PCNT: variants seen among roughly 807,000 people sequenced by gnomAD.
PCNT encodes the protein pericentrin, also known as kendrin.
In PCNT, 319 loss-of-function variants were observed where a neutral mutation model predicts 380.4. The ratio of observed to expected loss-of-function variants is 0.84; its 90% confidence interval spans 0.77 to 0.92. The LOEUF (loss-of-function observed/expected upper bound fraction) is 0.92, where lower values mean the gene tolerates loss of function less well. Ranked by LOEUF, PCNT falls within the 40% of genes least tolerant of loss-of-function variation. PCNT has a pLI of 0.00. For synonymous variants in PCNT, 1,845 were observed against 1,735.2 expected (o/e 1.06, Z -1.57); for missense variants, 4,400 against 4,255.3 (o/e 1.03, Z -0.95).
At chr21:46,373,256 A>T (rs894462311) in intron 15 of PCNT, among the ~76,000 whole-genome samples, 1 of 151,906 alleles carries the variant, frequency 6.6e-6, no homozygotes, top group African/African-American at 2.4e-5. Context: ...GCCTCAAGCA[A>T]TCCTTTTGTC....
intron 13 of PCNT, among the ~76,000 whole-genome samples, chr21:46,362,030 G>C (rs1201700842): frequency 6.6e-6 from 1 of 152,220 alleles, no homozygotes; most frequent in East Asian, 1.9e-4. Flanking sequence ...GTTCTGTCCT[G>C]CTCCTCTGGA....
intron 27 of PCNT, among the ~76,000 whole-genome samples, chr21:46,405,330 ATCTG>A (rs1465161248): frequency 2.0e-5 from 3 of 152,256 alleles, no homozygotes; most frequent in Non-Finnish European, 4.4e-5. Flanking sequence ...CTGAGATGTT[ATCTG>A]TCTTAGTATC....
chr21:46,326,662 T>C, intron 2 of PCNT, 73 bp downstream of exon 2: 6 of 1,455,932 alleles, frequency 4.1e-6, no homozygotes, highest in South Asian at 2.3e-5. Context: ...TTACTAAAGA[T>C]GGTCTTTGGT....
chr21:46,356,855 A>C, intron 12 of PCNT, 119 bp from the exon 13 acceptor site: 1 of 835,856 alleles, frequency 1.2e-6, no homozygotes, highest in Non-Finnish European at 2.0e-6. Flanking sequence ...CAGAGCTTGA[A>C]AATCCACAGT....
intron 17 of PCNT, among the ~76,000 whole-genome samples, chr21:46,387,220 G>C (rs1192590794): frequency 6.6e-6 from 1 of 152,178 alleles, no homozygotes; most frequent in African/African-American, 2.4e-5. Context: ...ATCCGTGTGT[G>C]GGGGGTGTCT....
At chr21:46,442,791 T>TA in intron 44 of PCNT, 2 of 602,622 alleles carry the variant, frequency 3.3e-6, no homozygotes, top group Non-Finnish European at 5.9e-6. Flanking sequence ...CACAGGGGCG[T>TA]ACGGCGATGG....
chr21:46,354,612 GCT>G (rs2084405662), intron 11 of PCNT, among the ~76,000 whole-genome samples: 2 of 152,186 alleles, frequency 1.3e-5, no homozygotes, highest in African/African-American at 4.8e-5. Flanking sequence ...CCGGTGTCGG[GCT>G]CCGGGGGACA....
At chr21:46,413,960 T>C (rs1569273659) in intron 29 of PCNT, among the ~76,000 whole-genome samples, 1 of 151,380 alleles carries the variant, frequency 6.6e-6, no homozygotes, top group East Asian at 1.9e-4. Context: ...TCAGGCCGCA[T>C]CAGGTGCAGA....
Position 46,418,185 on chromosome 21 carries a change from T to C in PCNT, c.6922-19T>C. On this transcript the variant is annotated intron_variant, in intron 30 of 46. Transcript: ENST00000359568. ...GTAATTACTCATTATTTTATGACCA[T>C]TTAAAAATCTCTTAACAGGAGAAAG... 1 of 1,459,340 alleles carries C rather than the reference T, an allele frequency of 6.9e-7. No homozygotes were observed. The highest frequency in any genetic ancestry group is 1.1e-5 in the South Asian group (1 of 87,924). 90.4% of individuals were successfully genotyped at this position (1,459,340 alleles called of 1,614,324 possible). A position where few individuals can be genotyped will look rare whatever the true frequency, so the allele number is the denominator to read the frequency against.
chr21:46,417,056 C>G (rs941642678), intron 30 of PCNT, among the ~76,000 whole-genome samples: 1 of 152,160 alleles, frequency 6.6e-6, no homozygotes, highest in South Asian at 2.1e-4. Context: ...CTGCCTCAGA[C>G]ATACCCTGGG....
In PCNT at chr21:46,379,296, C is replaced by G. The variant is rs62224221; in HGVS notation, c.3166-2398C>G. ...GTGTCGTGAGCCGCGCCCGTCTTCC[C>G]GGGCCGCGTGTCGTGAGCCGCACCC... On this transcript the variant is annotated intron_variant, in intron 15 of 46. Coordinates refer to ENST00000359568, the MANE Select transcript of PCNT (RefSeq NM_006031.6). 3.1e-3 allele frequency among the ~76,000 whole-genome samples: 454 copies of G among 148,392 alleles called. 1 individual carries two copies. The highest frequency in any genetic ancestry group is 4.8e-3 in the Non-Finnish European group (319 of 66,244).
At chr21:46,406,449 T>TA (rs1418707440) in intron 27 of PCNT, among the ~76,000 whole-genome samples, 1 of 152,276 alleles carries the variant, frequency 6.6e-6, no homozygotes. Flanking sequence ...TGAATACACA[T>TA]ACACCTTTTG....
In PCNT at chr21:46,443,856, C is replaced by A; in HGVS notation, c.9747C>A (p.Ser3249=). The change falls in exon 45 of 47, where the codon TCC becomes TCA. Residue 3249 remains serine (S), a synonymous_variant. Coordinates refer to ENST00000359568, the MANE Select transcript of PCNT (RefSeq NM_006031.6). ...QPQSPPRTRE[S]PPTRDVPSGH... ...AGTCTCCACCCAGAACCAGAGAGTC[C>A]CCCCCAACCCGGGATGTACCCTCTG... 6.2e-7 allele frequency: 1 copy of A among 1,613,324 alleles called. No individual in the cohort carries two copies. Among genetic ancestry groups the A allele is most frequent in the East Asian group, 2.2e-5 (1 of 44,878 alleles).
intron 27 of PCNT, among the ~76,000 whole-genome samples, chr21:46,405,978 A>T (rs1040648627): frequency 2.0e-5 from 3 of 152,152 alleles, no homozygotes; most frequent in Non-Finnish European, 2.9e-5. Context: ...AAAGATGCGG[A>T]TGCTATTTTG....
At chr21:46,400,010 T>C (rs2086368164) in intron 25 of PCNT, among the ~76,000 whole-genome samples, 1 of 152,248 alleles carries the variant, frequency 6.6e-6, no homozygotes, top group Non-Finnish European at 1.5e-5. Context: ...TTTTATTTAC[T>C]GTAGTAGGAT....
chr21:46,433,104 G>A (rs570046909), intron 38 of PCNT, among the ~76,000 whole-genome samples: 15 of 152,310 alleles, frequency 9.8e-5, no homozygotes, highest in African/African-American at 3.1e-4. Flanking sequence ...AGAGCAGGCC[G>A]GGCACGGTGG....
At chr21:46,424,414 C>A (rs1300407571) in intron 32 of PCNT, among the ~76,000 whole-genome samples, 1 of 152,154 alleles carries the variant, frequency 6.6e-6, no homozygotes, top group East Asian at 1.9e-4. Context: ...GTCTGTGGGA[C>A]CCCCCAGGCT....
chr21:46,417,006 A>C (rs970881318), intron 30 of PCNT, among the ~76,000 whole-genome samples, 167 bp downstream of exon 30: 13 of 152,082 alleles, frequency 8.5e-5, no homozygotes, highest in African/African-American at 3.1e-4. Flanking sequence ...AGATTATTTC[A>C]GTTGTTCAGG....
At chr21:46,400,607 C>T (rs1175404686) in intron 25 of PCNT, among the ~76,000 whole-genome samples, 5 of 136,818 alleles carry the variant, frequency 3.7e-5, no homozygotes, top group Non-Finnish European at 6.4e-5. Context: ...CAACCTCCTC[C>T]TCCCGGGTTC....
Sources: gnomAD v4.1 joint callset for allele counts (sites outside exome capture counted in the v4.1 genomes callset) on GRCh38, gnomAD v4.1.1 for gene constraint, MANE v1.5 for transcripts, NCBI Gene and HGNC (gene_info 2026-07-23, HGNC 2026-07-21) for gene names.